RBFOX2: variants seen among roughly 807,000 people sequenced by gnomAD.
RBFOX2 encodes the protein RNA binding fox-1 homolog 2.
In RBFOX2, 10 loss-of-function variants were observed where a neutral mutation model predicts 49.1. That is an observed-to-expected ratio of 0.20 (90% CI 0.13 to 0.35). RBFOX2 has a LOEUF of 0.35. Ranked by LOEUF, RBFOX2 falls within the 10% of genes least tolerant of loss-of-function variation. The pLI is 1.00. For missense variants in RBFOX2, 323 were observed against 486.9 expected (o/e 0.66, Z 3.17); for synonymous variants, 183 against 187.4 (o/e 0.98, Z 0.19).
intron 2 of RBFOX2, among the ~76,000 whole-genome samples, chr22:35,797,147 C>G (rs1183773813): frequency 6.6e-6 from 1 of 152,104 alleles, no homozygotes; most frequent in Admixed American, 6.6e-5. Flanking sequence ...ATACACTCTT[C>G]AAACATAATT....
chr22:35,756,499 A>T (rs1896054181), intron 9 of RBFOX2, among the ~76,000 whole-genome samples: 1 of 152,172 alleles, frequency 6.6e-6, no homozygotes, highest in Non-Finnish European at 1.5e-5. Context: ...GAGTATTTTT[A>T]AAAATAAGCT....
chr22:35,980,992 A>G (rs933149674), intron 1 of RBFOX2, among the ~76,000 whole-genome samples: 3 of 152,188 alleles, frequency 2.0e-5, no homozygotes, highest in African/African-American at 7.2e-5. Context: ...AAAATGGTAA[A>G]AAAGCACAGA....
chr22:35,864,416 T>C (rs544763527), intron 1 of RBFOX2, among the ~76,000 whole-genome samples: 4 of 152,242 alleles, frequency 2.6e-5, no homozygotes, highest in East Asian at 3.9e-4. Flanking sequence ...GGCAAATCAG[T>C]TGAAAACAAT....
At chr22:35,905,000 G>A (rs1174975017) in intron 1 of RBFOX2, among the ~76,000 whole-genome samples, 1 of 152,072 alleles carries the variant, frequency 6.6e-6, no homozygotes, top group Admixed American at 6.6e-5. Flanking sequence ...CCTAGAACAC[G>A]GTAATAACCA....
intron 1 of RBFOX2, among the ~76,000 whole-genome samples, chr22:35,849,298 AACAC>A (rs61515031): frequency 0.075 from 9,974 of 133,262 alleles, 851 homozygotes; most frequent in African/African-American, 0.24. Flanking sequence ...TACACACACA[AACAC>A]ACACACACAC....
chr22:35,821,894 G>GGGGAGGAGCAGGAAAT (rs1166261145), intron 1 of RBFOX2: 1 of 518,890 alleles, frequency 1.9e-6, no homozygotes, highest in East Asian at 5.4e-5. Flanking sequence ...TGACCAAAAG[G>GGGGAGGAGCAGGAAAT]GGGAGGAGCA....
chr22:35,927,469 T>C (rs1467134080), intron 1 of RBFOX2, among the ~76,000 whole-genome samples: 3 of 152,024 alleles, frequency 2.0e-5, no homozygotes, highest in Non-Finnish European at 4.4e-5. Flanking sequence ...CTGGGTGTGG[T>C]GGCACATGCC....
At chr22:35,943,210 C>T (rs949407467), upstream of RBFOX2, among the ~76,000 whole-genome samples, 4 of 152,190 alleles carry the variant, frequency 2.6e-5, no homozygotes. Context: ...TTTGCCTCGT[C>T]TGGTCAGAGA....
At chr22:35,907,345 G>A (rs948287811) in intron 1 of RBFOX2, among the ~76,000 whole-genome samples, 4 of 152,212 alleles carry the variant, frequency 2.6e-5, no homozygotes, top group African/African-American at 9.7e-5. Context: ...CTTAGGTAGG[G>A]GAGGGGACAC....
intron 1 of RBFOX2, among the ~76,000 whole-genome samples, chr22:35,882,110 A>G (rs2045983469): frequency 6.6e-6 from 1 of 152,246 alleles, no homozygotes; most frequent in African/African-American, 2.4e-5. Flanking sequence ...AGAGTGGATG[A>G]AAGAGAATCA....
At position 35,922,135 on chromosome 22, in the gene RBFOX2, T is replaced by C. The variant is rs539984407; in HGVS notation, c.-34+16712A>G. ...AAACAGGTTAATTGTTTCAGGACCA[T>C]GGAACAAAAAGTGAACAGCATTTAG... On this transcript the variant is annotated intron_variant, in intron 1 of 13. Coordinates refer to the RBFOX2 transcript ENST00000359369. Among the ~76,000 whole-genome samples the C allele has an allele frequency of 1.2e-4, 19 of 152,298 alleles. 1 individual carries two copies. In the South Asian group the frequency reaches 3.7e-3, roughly 30 times the overall value.
At chr22:35,750,390 A>G (rs1357846943) in intron 9 of RBFOX2, 1 of 1,517,872 alleles carries the variant, frequency 6.6e-7, no homozygotes, top group African/African-American at 1.4e-5. Context: ...AATAATAAAA[A>G]TTAAAAAGGA....
intron 1 of RBFOX2, among the ~76,000 whole-genome samples, chr22:36,003,665 ATAAC>A (rs1166117771): frequency 6.6e-6 from 1 of 152,262 alleles, no homozygotes; most frequent in Non-Finnish European, 1.5e-5. Flanking sequence ...CAGAACAAGG[ATAAC>A]TAAGGGGGAA....
At chr22:36,028,328 G>T (rs767179827) in exon 1 of RBFOX2, 8 of 1,503,596 alleles carry the variant, frequency 5.3e-6, no homozygotes, top group Non-Finnish European at 7.1e-6. Flanking sequence ...TCCCGCTCCG[G>T]GCACCGGCAG....
chr22:35,783,424 T>C (rs1356306046), intron 2 of RBFOX2, among the ~76,000 whole-genome samples: 1 of 152,200 alleles, frequency 6.6e-6, no homozygotes, highest in Non-Finnish European at 1.5e-5. Context: ...TAAAAACTTT[T>C]TTTTGAAACT....
chr22:35,742,670 A>G (rs1476845290), exon 12 of RBFOX2: 1 of 152,600 alleles, frequency 6.6e-6, no homozygotes, highest in African/African-American at 2.4e-5. Context: ...ACTTGCTTTT[A>G]TCAGTTCTAT....
intron 1 of RBFOX2, among the ~76,000 whole-genome samples, chr22:35,937,578 GTTGTTT>G (rs1470935516): frequency 6.6e-6 from 1 of 151,928 alleles, no homozygotes; most frequent in East Asian, 1.9e-4. Flanking sequence ...TTTTGTAGTT[GTTGTTT>G]TTGTTTGTTT....
At chr22:35,865,768 T>C (rs144745427) in intron 1 of RBFOX2, among the ~76,000 whole-genome samples, 118 of 152,324 alleles carry the variant, frequency 7.7e-4, no homozygotes, top group African/African-American at 2.8e-3. Flanking sequence ...ATAGGGTACA[T>C]GTATTGCATA....
intron 1 of RBFOX2, among the ~76,000 whole-genome samples, chr22:35,971,860 G>C (rs753214659): frequency 1.1e-4 from 15 of 138,028 alleles, no homozygotes; most frequent in Non-Finnish European, 2.0e-4. Context: ...GGCCCATCTG[G>C]AATCAGTTAG....
Sources: gnomAD v4.1 joint callset for allele counts (sites outside exome capture counted in the v4.1 genomes callset) on GRCh38, gnomAD v4.1.1 for gene constraint, MANE v1.5 for transcripts, NCBI Gene and HGNC (gene_info 2026-07-23, HGNC 2026-07-21) for gene names.